Variants in MAPK8 observed in about 807,000 individuals in gnomAD.
The protein encoded by MAPK8 is mitogen-activated protein kinase 8.
MAPK8 carries 13 observed loss-of-function variants against 52.9 expected under a neutral mutation model. The observed-to-expected ratio is 0.25, with a 90% CI of 0.16 to 0.39. MAPK8 has a LOEUF of 0.39. MAPK8 is among the 10% of genes least tolerant of loss of function. MAPK8 has a pLI of 1.00. For synonymous variants in MAPK8, 191 were observed against 169.8 expected (o/e 1.12, Z -0.97); for missense variants, 300 against 519.2 (o/e 0.58, Z 4.10).
intron 1 of MAPK8, among the ~76,000 whole-genome samples, chr10:48,369,019 T>C (rs1393379470): frequency 6.6e-6 from 1 of 152,198 alleles, no homozygotes; most frequent in African/African-American, 2.4e-5. Flanking sequence ...TTTAATCAGC[T>C]GTGCTAAGAG....
chr10:48,338,367 A>G (rs1844901512), intron 1 of MAPK8, among the ~76,000 whole-genome samples: 1 of 151,640 alleles, frequency 6.6e-6, no homozygotes, highest in African/African-American at 2.4e-5. Context: ...ATTCTTATGC[A>G]GTAAAATCCA....
At chr10:48,329,934 T>TA (rs977329878) in intron 1 of MAPK8, among the ~76,000 whole-genome samples, 4 of 152,184 alleles carry the variant, frequency 2.6e-5, no homozygotes, top group Admixed American at 6.5e-5. Flanking sequence ...AGGAAGCATT[T>TA]AAAAAAATTT....
chr10:48,398,894 G>A (rs554883287), intron 1 of MAPK8, among the ~76,000 whole-genome samples: 2 of 152,302 alleles, frequency 1.3e-5, no homozygotes, highest in South Asian at 4.1e-4. Context: ...ATGTATTGAA[G>A]TAATGGGAAT....
At position 48,420,230 on chromosome 10, in the gene MAPK8, G is replaced by T. The variant is rs372126348; in HGVS notation, c.526G>T (p.Ala176Ser). ...KILDFGLARTAGTSFMMTPYV... is the reference protein window; with the variant it reads ...KILDFGLARTSGTSFMMTPYV... ...TCTTGACTTCGGTCTGGCCAGGACT[G>T]CAGGAACGAGTTTTATGATGACGCC... Residue 176 changes from alanine to serine, a missense_variant, in exon 6 of 12, where the codon GCA becomes TCA. Transcript: ENST00000374189. The T allele has an allele frequency of 3.7e-6, 6 of 1,613,800 alleles. No homozygotes were observed. The African/African-American group carries it at 8.0e-5, about 22-fold the overall frequency.
At chr10:48,413,111 A>C (rs957494149) in intron 5 of MAPK8, among the ~76,000 whole-genome samples, 1 of 152,218 alleles carries the variant, frequency 6.6e-6, no homozygotes. Context: ...ATGTTGTAGC[A>C]TATGTCAGAA....
chr10:48,354,093 G>C (rs1846608612), intron 1 of MAPK8, among the ~76,000 whole-genome samples: 1 of 152,070 alleles, frequency 6.6e-6, no homozygotes. Context: ...CTGGGTGCAG[G>C]GTACAGGGGA....
At chr10:48,394,227 A>G (rs1243110238) in intron 1 of MAPK8, among the ~76,000 whole-genome samples, 2 of 151,942 alleles carry the variant, frequency 1.3e-5, no homozygotes, top group African/African-American at 4.8e-5. Context: ...TATCATTTCC[A>G]TACACTCTTT....
intron 2 of MAPK8, among the ~76,000 whole-genome samples, chr10:48,403,578 T>C (rs375877161): frequency 7.2e-5 from 11 of 152,310 alleles, no homozygotes; most frequent in African/African-American, 2.2e-4. Context: ...TCAAAAATTA[T>C]AGAAGTTGGA....
At chr10:48,426,962 A>C (rs1405492161) in intron 9 of MAPK8, 118 bp from the exon 10 acceptor site, 5 of 671,960 alleles carry the variant, frequency 7.4e-6, no homozygotes, top group Non-Finnish European at 1.3e-5. Flanking sequence ...ATGATTGATC[A>C]GTCTTGATCT....
intron 5 of MAPK8, among the ~76,000 whole-genome samples, chr10:48,411,130 G>T (rs1207997903): frequency 6.6e-6 from 1 of 152,142 alleles, no homozygotes; most frequent in Non-Finnish European, 1.5e-5. Flanking sequence ...TAATTTTAAT[G>T]AAATACAATT....
chr10:48,354,815 T>A (rs1391225916), intron 1 of MAPK8, among the ~76,000 whole-genome samples: 1 of 151,938 alleles, frequency 6.6e-6, no homozygotes, highest in Non-Finnish European at 1.5e-5. Context: ...AGAAAAAGAA[T>A]TCCCTAAGAT....
chr10:48,352,213 T>C (rs1846410114), intron 1 of MAPK8, among the ~76,000 whole-genome samples: 1 of 152,140 alleles, frequency 6.6e-6, no homozygotes, highest in South Asian at 2.1e-4. Context: ...AAGAAGAATT[T>C]ACACTATTTC....
Position 48,321,036 on chromosome 10 carries a change from T to C in MAPK8, c.-50+14215T>C, listed in dbSNP as rs113823521. 4.9e-3 allele frequency among the ~76,000 whole-genome samples: 747 copies of C among 152,216 alleles called. 6 individuals are homozygous for C. Among genetic ancestry groups the C allele is most frequent in the African/African-American group, 0.017 (686 of 41,500 alleles). On this transcript the variant is annotated intron_variant, in intron 1 of 11. Transcript: ENST00000374189. ...ATATCTTCTGGAGAAGTATTTCAGA[T>C]TCTTTGCCTATTTTAAAAATTGAGT... is the stretch of plus-strand genomic sequence containing the variant.
intron 3 of MAPK8, among the ~76,000 whole-genome samples, chr10:48,407,798 A>G (rs956278624): frequency 2.0e-5 from 3 of 152,136 alleles, no homozygotes; most frequent in Non-Finnish European, 2.9e-5. Flanking sequence ...TCTCAGTTCT[A>G]AACAACCACT....
chr10:48,375,201 A>G (rs2040580125), intron 1 of MAPK8, among the ~76,000 whole-genome samples: 2 of 152,226 alleles, frequency 1.3e-5, no homozygotes, highest in South Asian at 2.1e-4. Flanking sequence ...CCCTCATGCT[A>G]AATACTCTCA....
At chr10:48,318,437 A>G (rs61840552) in intron 1 of MAPK8, among the ~76,000 whole-genome samples, 16,454 of 152,232 alleles carry the variant, frequency 0.11, 1,194 homozygotes, top group Admixed American at 0.25. Flanking sequence ...AAAGGGGGAC[A>G]AGGGAAATAA....
intron 1 of MAPK8, among the ~76,000 whole-genome samples, chr10:48,340,809 A>G (rs1308142940): frequency 6.6e-6 from 1 of 152,190 alleles, no homozygotes. Context: ...GGTGCTCTCT[A>G]TTCTCTGAAT....
Position 48,422,453 on chromosome 10 carries a change from C to A in MAPK8, c.617-1635C>A, listed in dbSNP as rs73293515. The stretch of plus-strand genomic sequence containing the variant: ...CTTAATAGACTAAGCAGTTAGTTTA[C>A]AGCTAGAGTTGTGCATGAATCAGAC... On this transcript the variant is annotated intron_variant, in intron 6 of 11. Transcript: ENST00000374189. Among the ~76,000 whole-genome samples the A allele has an allele frequency of 3.5e-3, 529 of 152,284 alleles. 5 individuals carry two copies. Among genetic ancestry groups the A allele is most frequent in the African/African-American group, 0.012 (516 of 41,566 alleles).
rs539682763 is a variant in MAPK8, at chr10:48,372,155, C to T, written c.-49-29457C>T. 2.6e-5 allele frequency among the ~76,000 whole-genome samples: 4 copies of T among 152,190 alleles called. No individual in the cohort carries two copies. The East Asian group carries it at 7.7e-4, about 29-fold the overall frequency. ...TCAACCTTCAGCTCCTCTCCCCTTC[C>T]TAGAGGTTGGAGTAGGACCGAAAGT... On this transcript the variant is annotated intron_variant, in intron 1 of 11. Transcript: ENST00000374189.
Sources: gnomAD v4.1 joint callset for allele counts (sites outside exome capture counted in the v4.1 genomes callset) on GRCh38, gnomAD v4.1.1 for gene constraint, MANE v1.5 for transcripts, NCBI Gene and HGNC (gene_info 2026-07-23, HGNC 2026-07-21) for gene names.